The following AMMECR1 variants were observed in gnomAD, a reference collection of about 807,000 sequenced individuals.
The protein encoded by AMMECR1 is nuclear protein AMMECR1.
A neutral mutation model predicts 22.5 loss-of-function variants in AMMECR1; 3 were observed. The observed-to-expected ratio is 0.13, with a 90% CI of 0.06 to 0.35. The LOEUF (loss-of-function observed/expected upper bound fraction) is 0.35. Ranked by LOEUF, AMMECR1 falls within the 10% of genes least tolerant of loss-of-function variation. AMMECR1 has a pLI of 1.00. For missense variants in AMMECR1, 235 were observed against 278.7 expected (o/e 0.84, Z 1.12); for synonymous variants, 130 against 116.7 (o/e 1.11, Z -0.74).
At chrX:110,372,957 T>C (rs897941641) in intron 2 of AMMECR1, among the ~76,000 whole-genome samples, 1 of 112,120 alleles carries the variant, frequency 8.9e-6, no homozygotes, top group African/African-American at 3.2e-5. Flanking sequence ...CATTTATTAT[T>C]TAAAAGCAGA....
chrX:110,229,583 A>G (rs2067551394), intron 2 of AMMECR1, among the ~76,000 whole-genome samples: 1 of 112,381 alleles, frequency 8.9e-6, no homozygotes, highest in African/African-American at 3.2e-5. Flanking sequence ...AGCTCCCAGC[A>G]TGACCAATGC....
chrX:110,309,992 C>T (rs1434771054), intron 1 of AMMECR1, among the ~76,000 whole-genome samples: 1 of 112,220 alleles, frequency 8.9e-6, no homozygotes, highest in Non-Finnish European at 1.9e-5. Flanking sequence ...ATGTAAAAAC[C>T]TACATTAAAG....
At chrX:110,344,760 G>A (rs2068181374) in intron 2 of AMMECR1, among the ~76,000 whole-genome samples, 2 of 111,523 alleles carry the variant, frequency 1.8e-5, no homozygotes, top group South Asian at 7.6e-4. Context: ...ATCATCACTG[G>A]CCATCAGAGA....
At chrX:110,363,652 G>A (rs1217489496) in intron 2 of AMMECR1, among the ~76,000 whole-genome samples, 1 of 111,445 alleles carries the variant, frequency 9.0e-6, no homozygotes, top group Non-Finnish European at 1.9e-5. Context: ...TTATTACTCT[G>A]TGCCCTGGCC....
chrX:110,395,808 C>T (rs1292866032), intron 2 of AMMECR1, among the ~76,000 whole-genome samples: 2 of 110,438 alleles, frequency 1.8e-5, no homozygotes, highest in Non-Finnish European at 3.8e-5. Flanking sequence ...GTAATGCAGC[C>T]CACACCAGCA....
intron 1 of AMMECR1, among the ~76,000 whole-genome samples, chrX:110,311,901 C>T (rs773274469): frequency 3.6e-4 from 40 of 112,376 alleles, no homozygotes; most frequent in African/African-American, 1.3e-3. Context: ...TGTGGAAAGA[C>T]AGCTTACACA....
At chrX:110,275,520 T>C (rs2067821383) in intron 1 of AMMECR1, among the ~76,000 whole-genome samples, 1 of 110,978 alleles carries the variant, frequency 9.0e-6, no homozygotes, top group African/African-American at 3.3e-5. Context: ...CTACCACTAG[T>C]TTTCAACAAT....
At chrX:110,208,200 C>T (rs2067430940) in intron 3 of AMMECR1, among the ~76,000 whole-genome samples, 1 of 111,820 alleles carries the variant, frequency 8.9e-6, no homozygotes, top group African/African-American at 3.2e-5. Context: ...TTTCAAATAT[C>T]CTTTGAGATG....
At chrX:110,262,287 GAAGT>G (rs1457401369) in intron 2 of AMMECR1, among the ~76,000 whole-genome samples, 1 of 111,813 alleles carries the variant, frequency 8.9e-6, no homozygotes, top group Non-Finnish European at 1.9e-5. Context: ...ACAAAAATGA[GAAGT>G]AAAACCAGGT....
At chrX:110,230,863 G>A (rs1483816932) in intron 2 of AMMECR1, among the ~76,000 whole-genome samples, 1 of 111,973 alleles carries the variant, frequency 8.9e-6, no homozygotes, top group Admixed American at 9.5e-5. Context: ...GAAAACCATG[G>A]CACGAGAACT....
intron 1 of AMMECR1, among the ~76,000 whole-genome samples, chrX:110,428,240 G>T (rs1020686301): frequency 3.6e-5 from 4 of 111,607 alleles, no homozygotes; most frequent in Non-Finnish European, 5.6e-5. Flanking sequence ...TTCTCTGTCT[G>T]GACCCTTTCT....
chrX:110,421,992 T>C (rs985738175), intron 2 of AMMECR1, among the ~76,000 whole-genome samples: 2 of 113,145 alleles, frequency 1.8e-5, no homozygotes, highest in Non-Finnish European at 3.7e-5. Context: ...TTCTGAGTGC[T>C]TTGGTATTTG....
At chrX:110,243,685 G>GTTTTCCACAAAATT (rs1171492813) in intron 2 of AMMECR1, among the ~76,000 whole-genome samples, 1 of 112,074 alleles carries the variant, frequency 8.9e-6, no homozygotes, top group Non-Finnish European at 1.9e-5. Flanking sequence ...TCCACAAAAT[G>GTTTTCCACAAAATT]TATTTTTGGT....
At chrX:110,373,695 A>G (rs1437274206) in intron 2 of AMMECR1, among the ~76,000 whole-genome samples, 1 of 112,268 alleles carries the variant, frequency 8.9e-6, no homozygotes, top group African/African-American at 3.2e-5. Context: ...GCCCTCATGT[A>G]TGAAAGAACT....
At chrX:110,236,537 C>T (rs2067602394) in intron 2 of AMMECR1, among the ~76,000 whole-genome samples, 1 of 111,876 alleles carries the variant, frequency 8.9e-6, no homozygotes, top group African/African-American at 3.2e-5. Context: ...ACTCTTTATC[C>T]CCATGTATAT....
intron 2 of AMMECR1, chrX:110,224,957 C>T (rs1347114785): frequency 8.6e-6 from 3 of 348,707 alleles, no homozygotes; most frequent in South Asian, 8.2e-5. Context: ...ATTAGTTTTT[C>T]GTTTTTTAAA....
intron 1 of AMMECR1, among the ~76,000 whole-genome samples, chrX:110,289,371 C>A (rs996676209): frequency 9.0e-5 from 10 of 111,356 alleles, no homozygotes; most frequent in African/African-American, 3.3e-4. Context: ...ACATTAGGAT[C>A]CCCCACAGAA....
intron 2 of AMMECR1, among the ~76,000 whole-genome samples, chrX:110,422,442 C>T (rs144552318): frequency 1.8e-3 from 208 of 112,654 alleles, no homozygotes; most frequent in African/African-American, 5.9e-3. Context: ...GGGCCAGATA[C>T]GAGACCAGGA....
rs193043362 is a variant in AMMECR1 at position 110,283,616 on chromosome X, C to T, written c.474-19017G>A. The stretch of plus-strand genomic sequence containing the variant: ...GAAGGATGAATGAGCTCCCTTGGGC[C>T]TCTTTTATAAAAGGGCACCAATCCC... On this transcript the variant is annotated intron_variant, in intron 1 of 5. Transcript: ENST00000262844. Among the ~76,000 whole-genome samples the T allele has an allele frequency of 3.7e-3, 413 of 111,706 alleles. 3 individuals carry two copies. Among genetic ancestry groups the T allele is most frequent in the African/African-American group, 0.012 (371 of 30,746 alleles).
Sources: gnomAD v4.1 joint callset for allele counts (sites outside exome capture counted in the v4.1 genomes callset) on GRCh38, gnomAD v4.1.1 for gene constraint, MANE v1.5 for transcripts, NCBI Gene and HGNC (gene_info 2026-07-23, HGNC 2026-07-21) for gene names.